The following IL4R variants were observed in gnomAD, a reference collection of about 807,000 sequenced individuals.
The protein encoded by IL4R is interleukin-4 receptor subunit alpha.
In IL4R, 17 loss-of-function variants were observed where a neutral mutation model predicts 41.5. That is an observed-to-expected ratio of 0.41 (90% CI 0.28 to 0.61). The LOEUF (loss-of-function observed/expected upper bound fraction) is 0.61. IL4R is among the 20% of genes least tolerant of loss of function. IL4R has a pLI of 0.31. For missense variants in IL4R, 974 were observed against 1,043.1 expected (o/e 0.93, Z 0.91); for synonymous variants, 402 against 422.9 (o/e 0.95, Z 0.61).
At chr16:27,325,847 C>T (rs950650884) in intron 1 of IL4R, among the ~76,000 whole-genome samples, 1 of 152,090 alleles carries the variant, frequency 6.6e-6, no homozygotes, top group Non-Finnish European at 1.5e-5. Context: ...TAACAGCCTC[C>T]TCTGCTAATC....
At position 27,344,724 on chromosome 16, in the gene IL4R, C is replaced by T. The variant is rs1407418369; in HGVS notation, c.210-145C>T. 3 of 861,992 alleles carry T rather than the reference C, an allele frequency of 3.5e-6. No individual in the cohort carries two copies. In the African/African-American group the frequency reaches 5.1e-5, roughly 15 times the overall value. The allele number at this position is 861,992 out of a possible 1,614,324, so 53.4% of individuals were successfully genotyped here. On this transcript the variant is annotated intron_variant, in intron 4 of 10. Transcript: ENST00000395762. ...CGGCTGCCCCAGCACACCCTGGCCG[C>T]TCCCAAGCCCCCAGATCTGTCCTCA... is the stretch of plus-strand genomic sequence containing the variant.
chr16:27,342,144 C>A lies in IL4R; in HGVS notation c.94C>A (p.Pro32Thr), dbSNP rs1356167742. 1 of 1,614,138 alleles carries A rather than the reference C, an allele frequency of 6.2e-7. No homozygotes were observed. Among genetic ancestry groups the A allele is most frequent in the Non-Finnish European group, 8.5e-7 (1 of 1,180,014 alleles). The change falls in exon 4 of 11, where the codon CCC becomes ACC. Residue 32 changes from proline (P) to threonine (T), a missense_variant. This residue lies in a region of IL4R where 284 missense variants were observed against 313.4 expected (regional missense o/e 0.91). Transcript: ENST00000395762. Reference sequence around the variant, plus strand: ...AGGGAACATGAAGGTCTTGCAGGAGCCCACCTGCGTCTCCGACTACATGAG... The same window carrying A: ...AGGGAACATGAAGGTCTTGCAGGAGACCACCTGCGTCTCCGACTACATGAG... ...SSGNMKVLQEPTCVSDYMSIS... is the reference protein window; with the variant it reads ...SSGNMKVLQETTCVSDYMSIS...
At chr16:27,314,919 C>G (rs937145974) in intron 1 of IL4R, among the ~76,000 whole-genome samples, 153 of 152,264 alleles carry the variant, frequency 1.0e-3, no homozygotes, top group African/African-American at 3.6e-3. Context: ...AGTGATCCTC[C>G]CACCTCGGCC....
At chr16:27,331,195 G>C (rs150917014) in intron 2 of IL4R, among the ~76,000 whole-genome samples, 2 of 152,254 alleles carry the variant, frequency 1.3e-5, no homozygotes, top group Admixed American at 6.5e-5. Flanking sequence ...GCAGAATTAA[G>C]TGTATGCACC....
chr16:27,325,904 C>T (rs1343055073), intron 1 of IL4R, among the ~76,000 whole-genome samples: 2 of 152,122 alleles, frequency 1.3e-5, no homozygotes, highest in East Asian at 3.9e-4. Context: ...ACACGGGCTA[C>T]CCCCACAGGC....
intron 9 of IL4R, chr16:27,359,912 C>T (rs558122112): frequency 3.3e-4 from 136 of 412,594 alleles, no homozygotes; most frequent in African/African-American, 2.3e-3. Context: ...GGGCTGGGCT[C>T]AGCAGTGAGG....
chr16:27,352,860 A>G (rs2085926026), intron 7 of IL4R, among the ~76,000 whole-genome samples, 164 bp downstream of exon 7: 1 of 152,210 alleles, frequency 6.6e-6, no homozygotes. Flanking sequence ...CCAGGTAGGC[A>G]GGCTAGGCTG....
Position 27,341,237 on chromosome 16 carries a change from T to TC in IL4R, c.71-882dup, listed in dbSNP as rs756615396. 2.8e-4 allele frequency: 185 copies of TC among 661,888 alleles called. 1 individual carries two copies. Among genetic ancestry groups the TC allele is most frequent in the African/African-American group, 1.5e-3 (81 of 55,856 alleles). 41.0% of individuals were successfully genotyped at this position (661,888 alleles called of 1,614,324 possible). On this transcript the variant is annotated intron_variant, in intron 3 of 10. Coordinates refer to ENST00000395762, the MANE Select transcript of IL4R (RefSeq NM_000418.4). ...GAGAAAGAGAAGTGGCCAGGATGAC[T>TC]CCAAGATTTCTGACCTAAACTACTG...
At chr16:27,344,543 T>C (rs2085562351) in intron 4 of IL4R, among the ~76,000 whole-genome samples, 1 of 152,092 alleles carries the variant, frequency 6.6e-6, no homozygotes. Context: ...AGAGCTTATG[T>C]TGTTCTAAAT....
chr16:27,362,826 G>T lies in IL4R; in HGVS notation c.1474G>T (p.Ala492Ser), dbSNP rs35606110. ...LTCTETPLVI[A>S]GNPAYRSFSN... ...TTGCACAGAGACGCCCCTCGTCATCGCAGGCAACCCTGCTTACCGCAGCTT... is the reference window on the plus strand; with the variant it reads ...TTGCACAGAGACGCCCCTCGTCATCTCAGGCAACCCTGCTTACCGCAGCTT... The change falls in exon 11 of 11, where the codon GCA (alanine) becomes TCA (serine). Residue 492 changes from alanine to serine, a missense_variant. By Grantham distance (99) the Ala-to-Ser change is moderately conservative. Coordinates refer to ENST00000395762, the MANE Select transcript of IL4R (RefSeq NM_000418.4). The T allele has an allele frequency of 6.2e-7, 1 of 1,614,070 alleles. No homozygotes were observed. The highest frequency in any genetic ancestry group is 8.5e-7 in the Non-Finnish European group (1 of 1,180,014).
intron 8 of IL4R, among the ~76,000 whole-genome samples, chr16:27,357,224 C>A (rs1381224799): frequency 4.6e-5 from 7 of 152,184 alleles, no homozygotes; most frequent in Non-Finnish European, 1.0e-4. Flanking sequence ...TCTTCCCACT[C>A]CCCATCACTA....
intron 3 of IL4R, 39 bp from the exon 4 acceptor site, chr16:27,342,082 A>G (rs370200363): frequency 2.8e-4 from 444 of 1,606,464 alleles, no homozygotes; most frequent in Non-Finnish European, 3.5e-4. Context: ...TCACGCATTG[A>G]GTTCCTGGGC....
Position 27,328,253 on chromosome 16 carries a change from T to C in IL4R, c.-151-1813T>C, listed in dbSNP as rs140991190. Among the ~76,000 whole-genome samples, 1,467 of 150,432 alleles carry C rather than the reference T, an allele frequency of 9.8e-3. 28 individuals carry two copies. Among genetic ancestry groups the C allele is most frequent in the African/African-American group, 0.03 (1,236 of 40,970 alleles). ...GTTGAATTTATTATTGCTGAATTTT[T>C]TTTTTTTTGAGACAGAACTTTGCTC... On this transcript the variant is annotated intron_variant, in intron 1 of 10. Coordinates refer to ENST00000395762, the MANE Select transcript of IL4R (RefSeq NM_000418.4).
chr16:27,356,216 A>G (rs930563889), intron 8 of IL4R, among the ~76,000 whole-genome samples: 14 of 149,890 alleles, frequency 9.3e-5, no homozygotes, highest in Admixed American at 8.7e-4. Context: ...CTCAGCCTCC[A>G]GAGTAGCTGG....
chr16:27,315,743 C>A (rs2084628299), intron 1 of IL4R, among the ~76,000 whole-genome samples: 1 of 152,146 alleles, frequency 6.6e-6, no homozygotes, highest in African/African-American at 2.4e-5. Flanking sequence ...GAATGCCATG[C>A]CAAGGAACTT....
At chr16:27,325,261 C>T (rs2084926369) in intron 1 of IL4R, among the ~76,000 whole-genome samples, 1 of 152,092 alleles carries the variant, frequency 6.6e-6, no homozygotes, top group South Asian at 2.1e-4. Flanking sequence ...CCTCCCTCAC[C>T]CCGCCCTCTC....
chr16:27,349,191 C>G (rs2085775170), intron 6 of IL4R, among the ~76,000 whole-genome samples: 1 of 152,192 alleles, frequency 6.6e-6, no homozygotes, highest in Non-Finnish European at 1.5e-5. Flanking sequence ...TTGGCTTAGA[C>G]TAATGAGGGT....
intron 2 of IL4R, among the ~76,000 whole-genome samples, chr16:27,333,519 T>C (rs1259437848): frequency 6.6e-6 from 1 of 152,150 alleles, no homozygotes; most frequent in Admixed American, 6.6e-5. Context: ...GATGGGTTAT[T>C]TGGCCTCTCT....
chr16:27,357,673 A>G (rs1003586155), intron 8 of IL4R, among the ~76,000 whole-genome samples: 1 of 152,070 alleles, frequency 6.6e-6, no homozygotes, highest in Non-Finnish European at 1.5e-5. Flanking sequence ...CATGTTGGCC[A>G]GGATGGTCTT....
Sources: allele counts gnomAD v4.1 joint callset (sites outside exome capture counted in the v4.1 genomes callset), GRCh38; gene constraint gnomAD v4.1.1; regional missense constraint gnomAD v4.1.1; transcripts MANE v1.5; gene names NCBI Gene and HGNC (gene_info 2026-07-23, HGNC 2026-07-21).